CEP295NL: variants seen among roughly 807,000 people sequenced by gnomAD.
The protein encoded by CEP295NL is protein DDC8 homolog.
In CEP295NL, 3 loss-of-function variants were observed where a neutral mutation model predicts 4.6. The ratio of observed to expected loss-of-function variants is 0.65; its 90% CI spans 0.30 to 1.69. CEP295NL has a LOEUF of 1.69. Ranked by LOEUF, CEP295NL falls within the 40% of genes most tolerant of loss-of-function variation. The pLI is 0.10. For synonymous variants in CEP295NL, 295 were observed against 312.2 expected (o/e 0.94, Z 0.58); for missense variants, 719 against 769.0 (o/e 0.93, Z 0.77).
In CEP295NL at chr17:78,892,225, C is replaced by T. The variant is rs2145770793; in HGVS notation, c.279G>A (p.Leu93=). ...LQARGKGDLA[L]QRRADAKLWK... is the part of the protein sequence containing the mutation. ...ACAGCTTGGCATCCGCTCTTCTCTG[C>T]AGAGCGAGATCGCCTTTGCCCCGGG... is the stretch of plus-strand genomic sequence containing the variant. The change falls in exon 3 of 3, where the codon CTG becomes CTA. Residue 93 remains leucine, a synonymous_variant. Transcript: ENST00000322630. 2 of 1,551,056 alleles carry T rather than the reference C, an allele frequency of 1.3e-6. No individual in the cohort carries two copies. Among genetic ancestry groups the T allele is most frequent in the East Asian group, 2.4e-5 (1 of 40,920 alleles).
At chr17:78,899,870 G>C (rs529062965) in intron 2 of CEP295NL, 1 of 152,312 alleles carries the variant, frequency 6.6e-6, no homozygotes, top group African/African-American at 2.4e-5. Context: ...CAGCACCCGG[G>C]CCACATAGTC....
At chr17:78,892,600 A>G in intron 2 of CEP295NL, 141 bp from the exon 3 acceptor site, 3 of 1,274,428 alleles carry the variant, frequency 2.4e-6, no homozygotes, top group Non-Finnish European at 1.1e-6. Context: ...ACCCGTGCCC[A>G]CCAGGGCCCA....
Position 78,891,557 on chromosome 17 carries a change from G to A in CEP295NL, c.947C>T (p.Ser316Phe), listed in dbSNP as rs2069895081. Residue 316 changes from serine (S) to phenylalanine (F), a missense_variant, in exon 3 of 3, where the codon TCC becomes TTC. Physicochemically the swap from Ser to Phe is radical, Grantham distance 155 (BLOSUM62 -2). Transcript: ENST00000322630. The surrounding 1 kb of genome is among the most constrained non-coding windows in gnomAD (Gnocchi z 4.5). ...GGACACGGCTTCCCTTCTGCAGCTG[G>A]AATCAGCTGGCCACAGCTGCCCGAG... ...RDLGQLWPAD[S>F]SCRREAVSPA... The A allele has an allele frequency of 1.3e-6, 2 of 1,550,890 alleles. No individual in the cohort carries two copies. Among genetic ancestry groups the A allele is most frequent in the Non-Finnish European group, 1.7e-6 (2 of 1,147,070 alleles).
chr17:78,892,129 G>A lies in CEP295NL; in HGVS notation c.375C>T (p.His125=), dbSNP rs59618901. 2.5e-3 allele frequency: 3,843 copies of A among 1,550,974 alleles called. 51 individuals carry two copies. In the African/African-American group the frequency reaches 0.041, roughly 17 times the overall value. Reference sequence around the variant, plus strand: ...ACTGCAGCCTGTCCAGGCCACCGACGTGCAGGTGCTGTGCCTCCTGATACC... The same window carrying A: ...ACTGCAGCCTGTCCAGGCCACCGACATGCAGGTGCTGTGCCTCCTGATACC... ...RRGYQEAQHL[H]VGGLDRLQSA... The change falls in exon 3 of 3, where the codon CAC becomes CAT. Residue 125 remains histidine, a synonymous_variant. Coordinates refer to ENST00000322630, the MANE Select transcript of CEP295NL (RefSeq NM_001243540.2).
chr17:78,892,159 C>T lies in CEP295NL; in HGVS notation c.345G>A (p.Arg115=). ...YQLQRLAEEL[R]RGYQEAQHLH... is the part of the protein sequence containing the mutation. ...GGTGCTGTGCCTCCTGATACCCTCT[C>T]CTCAACTCCTCAGCCAAGCGCTGGA... Residue 115 remains arginine (R), a synonymous_variant, in exon 3 of 3, where the codon AGG becomes AGA. Coordinates refer to ENST00000322630, the MANE Select transcript of CEP295NL (RefSeq NM_001243540.2). 6.4e-7 allele frequency: 1 copy of T among 1,550,968 alleles called. No individual in the cohort carries two copies. Among genetic ancestry groups the T allele is most frequent in the Non-Finnish European group, 8.7e-7 (1 of 1,147,098 alleles).
chr17:78,893,175 ATG>A (rs1174765735), intron 2 of CEP295NL, among the ~76,000 whole-genome samples: 3 of 101,852 alleles, frequency 2.9e-5, no homozygotes, highest in South Asian at 3.5e-4. Context: ...GTGTGCATAC[ATG>A]TGTGTGCAGG....
At chr17:78,897,956 T>C (rs78714059) in intron 2 of CEP295NL, 12,533 of 152,264 alleles carry the variant, frequency 0.082, 566 homozygotes, top group Middle Eastern at 0.11. Flanking sequence ...AAATCACAGC[T>C]GGCTCCATCA....
In CEP295NL at chr17:78,901,885, G is replaced by C. The variant is rs2070099149; in HGVS notation, c.-57C>G. 3.0e-6 allele frequency: 2 copies of C among 662,920 alleles called. No individual in the cohort carries two copies. Among genetic ancestry groups the C allele is most frequent in the Non-Finnish European group, 5.6e-6 (2 of 354,904 alleles). The allele number at this position is 662,920 out of a possible 1,614,324, so 41.1% of individuals were successfully genotyped here. A position where few individuals can be genotyped will look rare whatever the true frequency, so the allele number is the denominator to read the frequency against. Reference sequence around the variant, plus strand: ...GAAGCACTGTCTCCAGGGCTGTCTTGAAATCACTGGGCTGACTTTGTAGGT... The same window carrying C: ...GAAGCACTGTCTCCAGGGCTGTCTTCAAATCACTGGGCTGACTTTGTAGGT... On this transcript the variant is annotated 5_prime_UTR_variant, in exon 2 of 3. An upstream open reading frame in the 5' UTR gains an earlier in-frame stop. Coordinates refer to ENST00000322630, the MANE Select transcript of CEP295NL (RefSeq NM_001243540.2).
chr17:78,892,759 C>T (rs1038868065), intron 2 of CEP295NL, among the ~76,000 whole-genome samples: 5 of 152,194 alleles, frequency 3.3e-5, no homozygotes, highest in South Asian at 2.1e-4. Context: ...GGAGGTGCTC[C>T]GGGCCTGCAG....
chr17:78,895,814 C>A (rs947492483), intron 2 of CEP295NL, among the ~76,000 whole-genome samples: 2 of 152,158 alleles, frequency 1.3e-5, no homozygotes, highest in East Asian at 3.9e-4. Flanking sequence ...CTGTGTGTCT[C>A]GGAAGGTGCC....
Position 78,890,693 on chromosome 17 carries a change from T to G in CEP295NL, c.1811A>C (p.Lys604Thr). ...TTTCCGGGCTTCTTCAAGAAACTGC[T>G]TGTGCAACCTGTTTTGCTGTAAGAT... The part of the protein sequence containing the change: ...QQILQQNRLH[K>T]QFLEEARKCL... The change falls in exon 3 of 3, where the codon AAG becomes ACG. Residue 604 changes from lysine (K) to threonine (T), a missense_variant. Physicochemically the swap from Lys to Thr is moderately conservative, Grantham distance 78. Transcript: ENST00000322630. 3.2e-6 allele frequency: 5 copies of G among 1,550,592 alleles called. No individual in the cohort carries two copies. The highest frequency in any genetic ancestry group is 4.4e-6 in the Non-Finnish European group (5 of 1,146,972).
chr17:78,896,752 G>T lies in CEP295NL; in HGVS notation c.45-4293C>A, dbSNP rs1234541049. On this transcript the variant is annotated intron_variant, in intron 2 of 2. Transcript: ENST00000322630. This position sits in a 1 kb window ranked among gnomAD's most constrained non-coding sequence, Gnocchi z 4.4. The stretch of plus-strand genomic sequence containing the variant: ...AGGAAGGCGAGTGGACACCAATCTG[G>T]CCTCCGGACGGCACCAGGGCCTCCC... Among the ~76,000 whole-genome samples, 2 of 152,086 alleles carry T rather than the reference G, an allele frequency of 1.3e-5. No homozygotes were observed. Among genetic ancestry groups the T allele is most frequent in the Non-Finnish European group, 2.9e-5 (2 of 68,020 alleles).
chr17:78,896,194 A>G lies in CEP295NL; in HGVS notation c.45-3735T>C, dbSNP rs527270583. Among the ~76,000 whole-genome samples, 178 of 152,068 alleles carry G rather than the reference A, an allele frequency of 1.2e-3. No homozygotes were observed. Among genetic ancestry groups the G allele is most frequent in the African/African-American group, 4.2e-3 (176 of 41,502 alleles). On this transcript the variant is annotated intron_variant, in intron 2 of 2. Coordinates refer to ENST00000322630, the MANE Select transcript of CEP295NL (RefSeq NM_001243540.2). This position sits in a 1 kb window ranked among gnomAD's most constrained non-coding sequence, Gnocchi z 4.4. Reference sequence around the variant, plus strand: ...TGCTCTCCCCTCTGAGACCCTCCCCACTTACTAACTTGAGGCAGAGGGCAG... The same window carrying G: ...TGCTCTCCCCTCTGAGACCCTCCCCGCTTACTAACTTGAGGCAGAGGGCAG...
intron 2 of CEP295NL, among the ~76,000 whole-genome samples, chr17:78,893,755 A>C (rs1385665103): frequency 2.0e-5 from 3 of 152,192 alleles, no homozygotes; most frequent in African/African-American, 7.2e-5. Context: ...CATGACTCCC[A>C]GCTCTTTCCT....
At chr17:78,895,055 C>T (rs1399891920) in intron 2 of CEP295NL, among the ~76,000 whole-genome samples, 3 of 152,092 alleles carry the variant, frequency 2.0e-5, no homozygotes, top group East Asian at 1.9e-4. Flanking sequence ...CTGAGGCGGG[C>T]GGATCACTTG....
At chr17:78,902,257 G>A (rs897789008) in intron 1 of CEP295NL, among the ~76,000 whole-genome samples, 8 of 152,198 alleles carry the variant, frequency 5.3e-5, no homozygotes, top group East Asian at 1.9e-4. Context: ...ACAGGCGCAC[G>A]CCACCACACC....
Position 78,890,868 on chromosome 17 carries a change from T to C in CEP295NL, c.1636A>G (p.Arg546Gly). Reference sequence around the variant, plus strand: ...TTCAGATGGGCCAGTCGAGCTCTTCTTTGCTCCCTCCTCTCTTTTTCTAGC... The same window carrying C: ...TTCAGATGGGCCAGTCGAGCTCTTCCTTGCTCCCTCCTCTCTTTTTCTAGC... ...AELEKERREQ[R>G]RARLAHLKSS... Residue 546 changes from arginine (R) to glycine (G), a missense_variant, in exon 3 of 3, where the codon AGA becomes GGA. Coordinates refer to ENST00000322630, the MANE Select transcript of CEP295NL (RefSeq NM_001243540.2). 6.4e-7 allele frequency: 1 copy of C among 1,550,652 alleles called. No individual in the cohort carries two copies. The highest frequency in any genetic ancestry group is 1.4e-5 in the African/African-American group (1 of 73,154).
chr17:78,890,911 T>A lies in CEP295NL; in HGVS notation c.1593A>T (p.Glu531Asp). The change falls in exon 3 of 3, where the codon GAA (glutamate) becomes GAT (aspartate). Residue 531 changes from glutamate (E) to aspartate (D), a missense_variant. Glu to Asp is a conservative substitution (Grantham distance 45). Transcript: ENST00000322630. The part of the protein sequence containing the change: ...EQMEHPDMSL[E>D]IHYKAELEKE... ...TTTCTAGCTCAGCTTTGTAGTGGAT[T>A]TCCAAGCTCATATCTGGGTGTTCCA... 6 of 1,550,838 alleles carry A rather than the reference T, an allele frequency of 3.9e-6. No individual in the cohort carries two copies. The highest frequency in any genetic ancestry group is 5.2e-6 in the Non-Finnish European group (6 of 1,147,050).
chr17:78,894,781 C>T (rs1310153187), intron 2 of CEP295NL, among the ~76,000 whole-genome samples: 3 of 151,076 alleles, frequency 2.0e-5, no homozygotes, highest in African/African-American at 4.9e-5. Context: ...AACCAATAAA[C>T]AAAGAAACGG....
Sources: gnomAD v4.1 joint callset for allele counts (sites outside exome capture counted in the v4.1 genomes callset) on GRCh38, gnomAD v4.1.1 for gene constraint, Gnocchi (gnomAD v3.1) non-coding constraint, MANE v1.5 for transcripts, NCBI Gene and HGNC (gene_info 2026-07-23, HGNC 2026-07-21) for gene names.